Variants in NAV3 observed in about 807,000 individuals in gnomAD.
NAV3 encodes neuron navigator 3.
A neutral mutation model predicts 244.7 loss-of-function variants in NAV3; 87 were observed. That is an observed-to-expected ratio of 0.36 (90% CI 0.30 to 0.42). The LOEUF is 0.42. Ranked by LOEUF, NAV3 falls within the 20% of genes least tolerant of loss-of-function variation. The pLI is 1.00. For missense variants in NAV3, 2,663 were observed against 2,893.3 expected (o/e 0.92, Z 1.83); for synonymous variants, 1,126 against 1,042.2 (o/e 1.08, Z -1.55).
chr12:77,998,392 G>A lies in NAV3; in HGVS notation c.796G>A (p.Ala266Thr). 6.2e-7 allele frequency: 1 copy of A among 1,612,052 alleles called. No individual in the cohort carries two copies. The highest frequency in any genetic ancestry group is 8.5e-7 in the Non-Finnish European group (1 of 1,178,936). The change falls in exon 7 of 40, where the codon GCC becomes ACC. Residue 266 changes from alanine to threonine, a missense_variant. Transcript: ENST00000397909. ...AGGAAGCAGCAGCAAGGTCCAGGGA[G>A]CCTCTAATTTAAATAGGAGAAGTCA... ...AAGSSSKVQG[A>T]SNLNRRSQSF...
intron 2 of NAV3, among the ~76,000 whole-genome samples, chr12:77,723,318 C>A: frequency 6.6e-6 from 1 of 151,486 alleles, no homozygotes; most frequent in African/African-American, 2.4e-5. Context: ...TTCAGTTTTG[C>A]AAAACTATAA....
chr12:77,917,847 A>T (rs1480536925), intron 1 of NAV3, among the ~76,000 whole-genome samples: 1 of 152,082 alleles, frequency 6.6e-6, no homozygotes, highest in Non-Finnish European at 1.5e-5. Flanking sequence ...TAAAATACCT[A>T]GAAAGGTTTC....
chr12:78,187,218 C>T (rs1354322826), intron 31 of NAV3, among the ~76,000 whole-genome samples: 2 of 151,760 alleles, frequency 1.3e-5, no homozygotes, highest in Non-Finnish European at 1.5e-5. Flanking sequence ...ACCATTTATC[C>T]TTATGGTGCT....
chr12:77,840,447 G>A (rs1875443650), intron 1 of NAV3, among the ~76,000 whole-genome samples: 1 of 152,160 alleles, frequency 6.6e-6, no homozygotes, highest in African/African-American at 2.4e-5. Context: ...AGGAGAATAT[G>A]ATGGAGCAAG....
chr12:77,650,229 G>A (rs1872764951), intron 2 of NAV3, among the ~76,000 whole-genome samples: 1 of 152,178 alleles, frequency 6.6e-6, no homozygotes, highest in African/African-American at 2.4e-5. Flanking sequence ...CACACACAGA[G>A]TAGTTTAATT....
chr12:77,955,311 C>T (rs538105950), intron 3 of NAV3, among the ~76,000 whole-genome samples: 6 of 152,248 alleles, frequency 3.9e-5, no homozygotes, highest in African/African-American at 1.4e-4. Context: ...GCGTTCACCT[C>T]GTACCACATC....
chr12:77,941,044 CT>C (rs1383830917), intron 2 of NAV3, 36 bp from the exon 3 acceptor site: 3 of 1,333,074 alleles, frequency 2.3e-6, no homozygotes, highest in African/African-American at 1.5e-5. Context: ...GCATGTCGTT[CT>C]TTTTTTCTCT....
intron 2 of NAV3, among the ~76,000 whole-genome samples, chr12:77,779,385 A>G (rs1870550468): frequency 6.6e-6 from 1 of 152,198 alleles, no homozygotes; most frequent in African/African-American, 2.4e-5. Flanking sequence ...CAGGTCATCT[A>G]GGACCGCTGA....
intron 2 of NAV3, among the ~76,000 whole-genome samples, chr12:77,659,586 T>C (rs1038263262): frequency 4.6e-5 from 7 of 152,142 alleles, no homozygotes; most frequent in Non-Finnish European, 8.8e-5. Flanking sequence ...GAAATACTAT[T>C]TGACCCAGCC....
intron 1 of NAV3, among the ~76,000 whole-genome samples, chr12:77,922,624 A>G (rs1219999586): frequency 6.6e-6 from 1 of 151,888 alleles, no homozygotes; most frequent in Non-Finnish European, 1.5e-5. Context: ...CATTGACTTT[A>G]CTCTTGTCCC....
chr12:77,894,698 C>T (rs917349628), intron 1 of NAV3, among the ~76,000 whole-genome samples: 5 of 152,218 alleles, frequency 3.3e-5, no homozygotes, highest in East Asian at 1.9e-4. Flanking sequence ...GAGTGAAAAG[C>T]GCTGAGTAGA....
At chr12:77,575,678 C>G (rs1361022926) in intron 2 of NAV3, among the ~76,000 whole-genome samples, 3 of 152,094 alleles carry the variant, frequency 2.0e-5, no homozygotes, top group Admixed American at 2.0e-4. Context: ...TAATCGTGAC[C>G]TTGAACTGAA....
intron 3 of NAV3, among the ~76,000 whole-genome samples, chr12:77,949,625 A>G (rs1261847331): frequency 6.6e-6 from 1 of 152,006 alleles, no homozygotes; most frequent in East Asian, 1.9e-4. Flanking sequence ...TCACACATGC[A>G]TAGCCTCCCC....
At chr12:77,844,074 C>T (rs1361114504) in intron 1 of NAV3, among the ~76,000 whole-genome samples, 1 of 152,122 alleles carries the variant, frequency 6.6e-6, no homozygotes, top group Non-Finnish European at 1.5e-5. Context: ...TTAATCAGTG[C>T]ATTTGTGCTG....
intron 7 of NAV3, among the ~76,000 whole-genome samples, chr12:78,005,382 G>T (rs1467825599): frequency 6.6e-6 from 1 of 152,186 alleles, no homozygotes; most frequent in Non-Finnish European, 1.5e-5. Flanking sequence ...ACTGTGTTAA[G>T]AAACAGCCCT....
intron 31 of NAV3, among the ~76,000 whole-genome samples, chr12:78,186,986 C>A (rs912668065): frequency 6.6e-6 from 1 of 151,820 alleles, no homozygotes; most frequent in Non-Finnish European, 1.5e-5. Context: ...CATGAAAGTC[C>A]CACCATTATG....
chr12:78,174,470 A>G (rs1340056575), intron 24 of NAV3, among the ~76,000 whole-genome samples: 1 of 151,852 alleles, frequency 6.6e-6, no homozygotes, highest in Non-Finnish European at 1.5e-5. Flanking sequence ...TTTTTCAGCT[A>G]TGTGACCATG....
chr12:77,589,272 C>T lies in NAV3; in HGVS notation c.72+17006C>T, dbSNP rs77126800. The stretch of plus-strand genomic sequence containing the variant: ...ACATTGAACCTCAACTTCAGACCTC[C>T]TGTCTTCTTCTGAGCCCTCCAAACT... On this transcript the variant is annotated intron_variant, in intron 2 of 8. Coordinates refer to the NAV3 transcript ENST00000550042. Among the ~76,000 whole-genome samples, 674 of 152,260 alleles carry T rather than the reference C, an allele frequency of 4.4e-3. 4 individuals are homozygous for T. Among genetic ancestry groups the T allele is most frequent in the African/African-American group, 0.015 (642 of 41,548 alleles).
intron 2 of NAV3, among the ~76,000 whole-genome samples, chr12:77,699,161 G>A (rs566385937): frequency 7.2e-5 from 11 of 152,196 alleles, no homozygotes; most frequent in African/African-American, 2.6e-4. Flanking sequence ...AATCTTGCAG[G>A]ACATGAAGCA....
Sources: allele counts gnomAD v4.1 joint callset (sites outside exome capture counted in the v4.1 genomes callset), GRCh38; gene constraint gnomAD v4.1.1; transcripts MANE v1.5; gene names NCBI Gene and HGNC (gene_info 2026-07-23, HGNC 2026-07-21).